ALCAM: variants seen among roughly 807,000 people sequenced by gnomAD.
ALCAM encodes the protein activated leukocyte cell adhesion molecule, also known as CD166 antigen.
ALCAM carries 30 observed loss-of-function variants against 70.9 expected under a neutral mutation model. The ratio of observed to expected loss-of-function variants is 0.42; its 90% CI spans 0.32 to 0.57. The LOEUF (loss-of-function observed/expected upper bound fraction) is 0.57, where lower values mean the gene tolerates loss of function less well. Ranked by LOEUF, ALCAM falls within the 20% of genes least tolerant of loss-of-function variation. ALCAM has a pLI of 0.11. For synonymous variants in ALCAM, 249 were observed against 242.5 expected, an observed-to-expected ratio of 1.03 and a Z score of -0.25; for missense variants, 591 against 695.1, an observed-to-expected ratio of 0.85 and a Z score of 1.68.
At chr3:105,485,696 C>T (rs1938409866) in intron 1 of ALCAM, among the ~76,000 whole-genome samples, 1 of 151,868 alleles carries the variant, frequency 6.6e-6, no homozygotes, top group African/African-American at 2.4e-5. Context: ...TTAGATTAAG[C>T]AATATGATAT....
chr3:105,437,783 T>C (rs2152580922), intron 1 of ALCAM, among the ~76,000 whole-genome samples: 1 of 152,242 alleles, frequency 6.6e-6, no homozygotes, highest in East Asian at 1.9e-4. Flanking sequence ...CCTTTTAAAA[T>C]TTTAAATGTA....
At chr3:105,533,016 G>T (rs1404027209) in intron 4 of ALCAM, among the ~76,000 whole-genome samples, 1 of 152,050 alleles carries the variant, frequency 6.6e-6, no homozygotes, top group African/African-American at 2.4e-5. Flanking sequence ...AAATACCAAA[G>T]TTTTCCTTTG....
At chr3:105,564,686 ATTG>A (rs1366261396) in intron 14 of ALCAM, among the ~76,000 whole-genome samples, 1 of 152,172 alleles carries the variant, frequency 6.6e-6, no homozygotes, top group Non-Finnish European at 1.5e-5. Context: ...TCTGGCTTGT[ATTG>A]TTTTTAATGA....
chr3:105,418,724 G>C (rs1232644572), intron 1 of ALCAM, among the ~76,000 whole-genome samples: 1 of 151,568 alleles, frequency 6.6e-6, no homozygotes, highest in Non-Finnish European at 1.5e-5. Flanking sequence ...TAAAATGAGG[G>C]GTGAAATATG....
rs561952617 is a variant in ALCAM at position 105,561,971 on chromosome 3, A to T, written c.1664+9386A>T. Among the ~76,000 whole-genome samples the T allele has an allele frequency of 6.3e-4, 96 of 152,334 alleles. 1 individual carries two copies. In the South Asian group the frequency reaches 0.012, roughly 20 times the overall value. ...TACAGTTTTCACTAGGCATTATGAC[A>T]TAGGCATGATTAATTGGTTGAACTT... is the stretch of plus-strand genomic sequence containing the variant. On this transcript the variant is annotated intron_variant, in intron 14 of 15. Transcript: ENST00000306107.
intron 15 of ALCAM, among the ~76,000 whole-genome samples, chr3:105,574,228 T>G (rs560655555): frequency 3.9e-5 from 6 of 152,070 alleles, no homozygotes; most frequent in Non-Finnish European, 7.4e-5. Flanking sequence ...ATGAAATATT[T>G]TCTTGAAAAA....
chr3:105,367,525 G>A, intron 1 of ALCAM, 44 bp downstream of exon 1: 1 of 1,609,954 alleles, frequency 6.2e-7, no homozygotes. Context: ...CGTGGGCCTG[G>A]AGCAGTTTCC....
intron 14 of ALCAM, among the ~76,000 whole-genome samples, chr3:105,557,540 A>G (rs976173912): frequency 1.3e-5 from 2 of 152,182 alleles, no homozygotes; most frequent in Non-Finnish European, 2.9e-5. Context: ...TTTAAAAAAG[A>G]TCACACTTGT....
At chr3:105,453,805 T>C (rs1937490839) in intron 1 of ALCAM, among the ~76,000 whole-genome samples, 1 of 152,154 alleles carries the variant, frequency 6.6e-6, no homozygotes, top group South Asian at 2.1e-4. Context: ...TTAGCTGTAT[T>C]CCTAGGTATT....
At chr3:105,458,100 T>G (rs1372721737) in intron 1 of ALCAM, among the ~76,000 whole-genome samples, 1 of 149,814 alleles carries the variant, frequency 6.7e-6, no homozygotes, top group African/African-American at 2.4e-5. Context: ...AAAAACCAGC[T>G]TTATAGTTGA....
intron 1 of ALCAM, among the ~76,000 whole-genome samples, chr3:105,468,277 T>A (rs943301517): frequency 2.0e-5 from 3 of 151,454 alleles, no homozygotes; most frequent in Middle Eastern, 3.4e-3. Flanking sequence ...AGCCACCTTG[T>A]TAATTGCCAC....
intron 1 of ALCAM, among the ~76,000 whole-genome samples, chr3:105,488,812 ATGCT>A (rs926180695): frequency 1.3e-5 from 2 of 152,098 alleles, no homozygotes; most frequent in African/African-American, 4.8e-5. Context: ...CAGGATGTTA[ATGCT>A]TGATTGATGT....
At chr3:105,516,267 T>C (rs988333587) in intron 1 of ALCAM, among the ~76,000 whole-genome samples, 9 of 151,916 alleles carry the variant, frequency 5.9e-5, no homozygotes, top group African/African-American at 2.2e-4. Context: ...GTTAGTTTTA[T>C]GGAAAAAAGC....
chr3:105,524,633 A>C (rs895377464), intron 3 of ALCAM, 125 bp downstream of exon 3: 12 of 1,443,308 alleles, frequency 8.3e-6, no homozygotes, highest in Non-Finnish European at 1.1e-5. Context: ...AAGGGGACTT[A>C]AAGAGATCTT....
In ALCAM at chr3:105,523,740, A is replaced by G. The variant is rs533169436; in HGVS notation, c.175-549A>G. ...GTTAATCTGACTCATTCCTTAATGGACATAATTATTTTACAAGGGTAAATA... is the reference window on the plus strand; with the variant it reads ...GTTAATCTGACTCATTCCTTAATGGGCATAATTATTTTACAAGGGTAAATA... On this transcript the variant is annotated intron_variant, in intron 2 of 15. Coordinates refer to ENST00000306107, the MANE Select transcript of ALCAM (RefSeq NM_001627.4). 4.2e-4 allele frequency among the ~76,000 whole-genome samples: 64 copies of G among 152,352 alleles called. 2 individuals carry two copies. In the South Asian group the frequency reaches 0.013, roughly 30 times the overall value.
intron 6 of ALCAM, among the ~76,000 whole-genome samples, chr3:105,536,021 G>T (rs1939959737): frequency 6.6e-6 from 1 of 151,692 alleles, no homozygotes; most frequent in Admixed American, 6.6e-5. Context: ...TTAAACCCAA[G>T]AAATTAATAT....
At chr3:105,524,267 G>A (rs369753930) in intron 2 of ALCAM, 22 bp from the exon 3 acceptor site, 29 of 1,574,154 alleles carry the variant, frequency 1.8e-5, no homozygotes, top group Admixed American at 1.7e-5. Context: ...GTGTTTAAAT[G>A]TATTATTATT....
At chr3:105,381,421 G>A (rs892962031) in intron 1 of ALCAM, among the ~76,000 whole-genome samples, 2 of 151,766 alleles carry the variant, frequency 1.3e-5, no homozygotes, top group African/African-American at 2.4e-5. Flanking sequence ...TTTATGGGGC[G>A]TAACCTTGAA....
intron 1 of ALCAM, among the ~76,000 whole-genome samples, chr3:105,453,217 A>T (rs1937478082): frequency 6.6e-6 from 1 of 152,184 alleles, no homozygotes; most frequent in Admixed American, 6.5e-5. Context: ...TTTTACATTT[A>T]AGTCTTTAAT....
Sources: allele counts gnomAD v4.1 joint callset (sites outside exome capture counted in the v4.1 genomes callset), GRCh38; gene constraint gnomAD v4.1.1; transcripts MANE v1.5; gene names NCBI Gene and HGNC (gene_info 2026-07-23, HGNC 2026-07-21).